The following NRXN1 variants were observed in gnomAD, a reference collection of about 807,000 sequenced individuals.
The protein encoded by NRXN1 is neurexin 1, also known as neurexin-1.
A neutral mutation model predicts 150.9 loss-of-function variants in NRXN1; 39 were observed. The ratio of observed to expected loss-of-function variants is 0.26; its 90% CI spans 0.20 to 0.34. The LOEUF is 0.34. NRXN1 is among the 10% of genes least tolerant of loss of function. The pLI is 1.00. For missense variants in NRXN1, 1,815 were observed against 1,949.9 expected (o/e 0.93, Z 1.30); for synonymous variants, 924 against 757.0 (o/e 1.22, Z -3.62).
At chr2:51,011,600 C>A (rs1667879705) in intron 2 of NRXN1, among the ~76,000 whole-genome samples, 1 of 151,894 alleles carries the variant, frequency 6.6e-6, no homozygotes, top group Non-Finnish European at 1.5e-5. Flanking sequence ...GAGAGTAACA[C>A]TAGAAAGAAC....
chr2:50,765,639 C>T (rs1702298600), intron 5 of NRXN1, among the ~76,000 whole-genome samples: 1 of 152,028 alleles, frequency 6.6e-6, no homozygotes, highest in Admixed American at 6.6e-5. Flanking sequence ...TTTCTACATG[C>T]CGCAACATAG....
intron 17 of NRXN1, among the ~76,000 whole-genome samples, chr2:50,438,344 T>C (rs13396103): frequency 0.28 from 42,950 of 152,162 alleles, 6,239 homozygotes; most frequent in East Asian, 0.4. Flanking sequence ...CATGATTCAC[T>C]GTAGACAGCC....
At chr2:50,510,864 C>G (rs977119378) in intron 12 of NRXN1, among the ~76,000 whole-genome samples, 9 of 152,066 alleles carry the variant, frequency 5.9e-5, no homozygotes, top group Non-Finnish European at 1.2e-4. Context: ...TTCACCAGAC[C>G]AGGTCAGAAT....
At chr2:50,901,307 G>T (rs531370489) in intron 5 of NRXN1, among the ~76,000 whole-genome samples, 1 of 151,970 alleles carries the variant, frequency 6.6e-6, no homozygotes. Flanking sequence ...AGGCTGAGGC[G>T]GGCGGATCAC....
At chr2:50,227,832 T>G (rs1276649027) in intron 18 of NRXN1, among the ~76,000 whole-genome samples, 1 of 152,032 alleles carries the variant, frequency 6.6e-6, no homozygotes, top group Non-Finnish European at 1.5e-5. Context: ...AGTAGCCATA[T>G]GTTGAGCATT....
At chr2:50,906,982 C>T (rs1391190096) in intron 5 of NRXN1, among the ~76,000 whole-genome samples, 2 of 151,852 alleles carry the variant, frequency 1.3e-5, no homozygotes, top group African/African-American at 4.8e-5. Flanking sequence ...TCTCTCACAC[C>T]CCTCTTTCTC....
intron 9 of NRXN1, chr2:50,547,481 T>C (rs1284133236): frequency 6.6e-6 from 1 of 152,086 alleles, no homozygotes; most frequent in African/African-American, 2.4e-5. Context: ...TGGGCAGCTG[T>C]TTTGTGTTGA....
intron 19 of NRXN1, among the ~76,000 whole-genome samples, chr2:50,062,293 G>A (rs13417806): frequency 0.12 from 18,245 of 151,920 alleles, 1,300 homozygotes; most frequent in South Asian, 0.19. Flanking sequence ...AATGGGATTA[G>A]TGCCCTTATA....
intron 5 of NRXN1, among the ~76,000 whole-genome samples, chr2:50,865,098 G>C (rs72838800): frequency 0.034 from 5,119 of 151,782 alleles, 161 homozygotes; most frequent in East Asian, 0.078. Context: ...ATGGATGAAG[G>C]CCTCAGAAAA....
intron 18 of NRXN1, among the ~76,000 whole-genome samples, chr2:50,220,612 T>A (rs1036649599): frequency 6.6e-6 from 1 of 152,002 alleles, no homozygotes; most frequent in Admixed American, 6.6e-5. Flanking sequence ...ACTTTACAAT[T>A]TTCAATATCT....
intron 17 of NRXN1, among the ~76,000 whole-genome samples, chr2:50,242,248 T>G (rs1337939093): frequency 6.6e-6 from 1 of 151,814 alleles, no homozygotes; most frequent in East Asian, 1.9e-4. Context: ...TGTTGTTAAT[T>G]TGAAATTTTC....
At chr2:50,975,038 T>C in intron 2 of NRXN1, among the ~76,000 whole-genome samples, 1 of 151,998 alleles carries the variant, frequency 6.6e-6, no homozygotes, top group Admixed American at 6.6e-5. Context: ...CACCCAAGAC[T>C]CTTCCAGGGA....
intron 21 of NRXN1, among the ~76,000 whole-genome samples, chr2:49,992,032 A>G (rs1682055436): frequency 6.6e-6 from 1 of 152,226 alleles, no homozygotes; most frequent in Non-Finnish European, 1.5e-5. Context: ...CTAGACATCC[A>G]TATGAAAAAT....
At chr2:50,390,697 TA>T (rs567600788) in intron 17 of NRXN1, among the ~76,000 whole-genome samples, 11 of 152,194 alleles carry the variant, frequency 7.2e-5, no homozygotes, top group South Asian at 4.2e-4. Context: ...GTGGGTTTGT[TA>T]CAAAAGAAAG....
At chr2:50,693,626 T>A (rs770353507) in intron 5 of NRXN1, among the ~76,000 whole-genome samples, 1 of 152,250 alleles carries the variant, frequency 6.6e-6, no homozygotes, top group Non-Finnish European at 1.5e-5. Context: ...AAAATGCAGC[T>A]TGCAACCACT....
intron 21 of NRXN1, among the ~76,000 whole-genome samples, chr2:49,973,514 C>G (rs376245172): frequency 6.6e-6 from 1 of 152,094 alleles, no homozygotes; most frequent in Non-Finnish European, 1.5e-5. Flanking sequence ...GCAAAAATTT[C>G]AGCAAGTCAT....
chr2:50,055,182 T>G (rs1693408964), intron 19 of NRXN1, 138 bp from the exon 20 acceptor site: 3 of 562,038 alleles, frequency 5.3e-6, no homozygotes, highest in Admixed American at 4.0e-5. Flanking sequence ...ACCTAGAACA[T>G]TTCATGTTTC....
At chr2:50,104,120 C>T (rs907186593) in intron 18 of NRXN1, among the ~76,000 whole-genome samples, 3 of 151,914 alleles carry the variant, frequency 2.0e-5, no homozygotes, top group Middle Eastern at 3.4e-3. Flanking sequence ...AATATCATTT[C>T]GTGAAGCAAA....
chr2:50,559,570 C>T (rs115847089), intron 8 of NRXN1, among the ~76,000 whole-genome samples: 6,604 of 152,100 alleles, frequency 0.043, 207 homozygotes, highest in African/African-American at 0.082. Context: ...CTAGTGGTAA[C>T]TATATAATAG....
Sources: allele counts gnomAD v4.1 joint callset (sites outside exome capture counted in the v4.1 genomes callset), GRCh38; gene constraint gnomAD v4.1.1; transcripts MANE v1.5; gene names NCBI Gene and HGNC (gene_info 2026-07-23, HGNC 2026-07-21).